LY96: variants seen among roughly 807,000 people sequenced by gnomAD.
LY96 encodes myeloid differentiation protein-2.
In LY96, 18 loss-of-function variants were observed where a neutral mutation model predicts 18.9. The observed-to-expected ratio is 0.95, with a 90% CI of 0.66 to 1.41. LY96 has a LOEUF of 1.41. Ranked by LOEUF, LY96 falls within the 40% of genes most tolerant of loss-of-function variation. The pLI is 0.00. For synonymous variants in LY96, 66 were observed against 62.6 expected (o/e 1.06, Z -0.26); for missense variants, 175 against 182.4 (o/e 0.96, Z 0.23).
the LY96 span, among the ~76,000 whole-genome samples, chr8:74,087,862 T>C: frequency 6.6e-6 from 1 of 152,188 alleles, no homozygotes; most frequent in Admixed American, 6.5e-5. Context: ...CAACCATCTC[T>C]CTTCTGTGTC....
intron 3 of LY96, among the ~76,000 whole-genome samples, chr8:74,022,098 G>A (rs1395524399): frequency 6.6e-6 from 1 of 151,984 alleles, no homozygotes; most frequent in African/African-American, 2.4e-5. Context: ...GAAAAGAATG[G>A]AAGGTATGAG....
At chr8:74,061,583 A>G in the LY96 span, among the ~76,000 whole-genome samples, 1 of 152,202 alleles carries the variant, frequency 6.6e-6, no homozygotes, top group Admixed American at 6.5e-5. Flanking sequence ...GGTTAATTAT[A>G]ATGTATATTT....
the LY96 span, among the ~76,000 whole-genome samples, chr8:74,062,483 A>G: frequency 2.0e-5 from 3 of 151,108 alleles, no homozygotes; most frequent in African/African-American, 7.4e-5. Context: ...CTTATAAGTG[A>G]GAACATGCGG....
intron 1 of LY96, among the ~76,000 whole-genome samples, chr8:73,997,161 A>G (rs762677096): frequency 2.6e-5 from 4 of 152,150 alleles, no homozygotes. Flanking sequence ...CCGGCCTTAA[A>G]CCTGTTTCTG....
the LY96 span, among the ~76,000 whole-genome samples, chr8:74,048,352 C>T: frequency 4.3e-3 from 659 of 152,026 alleles, 2 homozygotes; most frequent in South Asian, 0.019. Context: ...ACCTCCACCT[C>T]CCAGGTTCAA....
the LY96 span, among the ~76,000 whole-genome samples, chr8:74,095,695 A>G: frequency 6.6e-6 from 1 of 152,166 alleles, no homozygotes; most frequent in African/African-American, 2.4e-5. Flanking sequence ...CTGCTGCTGG[A>G]TACATCTTCC....
the LY96 span, among the ~76,000 whole-genome samples, chr8:74,038,341 G>T: frequency 6.6e-6 from 1 of 151,800 alleles, no homozygotes; most frequent in Non-Finnish European, 1.5e-5. Flanking sequence ...ACTCCTCTGT[G>T]CCACCCCCCG....
intron 2 of LY96, among the ~76,000 whole-genome samples, chr8:74,009,374 C>CAAAAAAAAAA (rs370593442): frequency 3.4e-5 from 2 of 58,814 alleles, no homozygotes; most frequent in African/African-American, 1.0e-4. Flanking sequence ...CAGTCTTTCT[C>CAAAAAAAAAA]AAAAAAAAAA....
the LY96 span, among the ~76,000 whole-genome samples, chr8:74,051,780 C>T: frequency 2.6e-5 from 4 of 152,086 alleles, no homozygotes; most frequent in Admixed American, 6.5e-5. Context: ...CAACAGACAC[C>T]GAATTTGCTG....
At chr8:74,069,376 G>A in the LY96 span, among the ~76,000 whole-genome samples, 1 of 152,154 alleles carries the variant, frequency 6.6e-6, no homozygotes. Context: ...TTTGTGGCTA[G>A]CATAGGTCAG....
intron 3 of LY96, among the ~76,000 whole-genome samples, chr8:74,021,171 T>A (rs1200453179): frequency 6.6e-6 from 1 of 152,182 alleles, no homozygotes; most frequent in African/African-American, 2.4e-5. Context: ...AATCTACCCG[T>A]CTGACAAAGG....
chr8:74,028,908 T>C lies in LY96; in HGVS notation c.385-48T>C, dbSNP rs183939669. On this transcript the variant is annotated intron_variant, in intron 4 of 4. Transcript: ENST00000284818. The stretch of plus-strand genomic sequence containing the variant: ...AGTTCTTACAAAGCCTCTGAAATAG[T>C]AGCATCTAACATTTTGTATTACTTG... 29 of 1,091,694 alleles carry C rather than the reference T, an allele frequency of 2.7e-5. No homozygotes were observed. In the African/African-American group the frequency reaches 4.3e-4, roughly 16 times the overall value. 67.6% of individuals were successfully genotyped at this position (1,091,694 alleles called of 1,614,324 possible).
the LY96 span, among the ~76,000 whole-genome samples, chr8:74,090,968 A>G: frequency 6.6e-6 from 1 of 152,318 alleles, no homozygotes; most frequent in East Asian, 1.9e-4. Context: ...ACTTTATTTC[A>G]TTCTCCATGT....
At chr8:74,088,134 AGAATAGAAT>A in the LY96 span, among the ~76,000 whole-genome samples, 560 of 150,958 alleles carry the variant, frequency 3.7e-3, 5 homozygotes, top group African/African-American at 0.013. Context: ...AGAATAGAAT[AGAATAGAAT>A]AGAATAGAAA....
chr8:73,995,650 G>A (rs1207914915), intron 1 of LY96, among the ~76,000 whole-genome samples: 1 of 152,040 alleles, frequency 6.6e-6, no homozygotes, highest in Non-Finnish European at 1.5e-5. Context: ...AAAAAATGTG[G>A]GTGTGTGAGT....
the LY96 span, among the ~76,000 whole-genome samples, chr8:74,064,481 G>T: frequency 6.6e-6 from 1 of 152,178 alleles, no homozygotes; most frequent in Middle Eastern, 3.4e-3. Context: ...TTTAAAAATT[G>T]TTTATTTATT....
the LY96 span, among the ~76,000 whole-genome samples, chr8:74,095,884 A>T: frequency 6.6e-6 from 1 of 152,106 alleles, no homozygotes; most frequent in Non-Finnish European, 1.5e-5. Context: ...TTCCAGACTC[A>T]CAGAGCCAAC....
chr8:73,998,423 C>A (rs1816195097), intron 1 of LY96, among the ~76,000 whole-genome samples: 1 of 151,774 alleles, frequency 6.6e-6, no homozygotes. Context: ...TGCCTATAAT[C>A]CTAGTGCTTT....
At chr8:73,995,355 A>G (rs917128573) in intron 1 of LY96, among the ~76,000 whole-genome samples, 1 of 152,226 alleles carries the variant, frequency 6.6e-6, no homozygotes, top group East Asian at 1.9e-4. Context: ...GTGTCCTCAC[A>G]TGGCCTTTCC....
Sources: allele counts gnomAD v4.1 joint callset (sites outside exome capture counted in the v4.1 genomes callset), GRCh38; gene constraint gnomAD v4.1.1; transcripts MANE v1.5; gene names NCBI Gene and HGNC (gene_info 2026-07-23, HGNC 2026-07-21).